PAK1: variants seen among roughly 807,000 people sequenced by gnomAD.
PAK1 encodes the protein serine/threonine-protein kinase PAK 1.
In PAK1, 29 loss-of-function variants were observed where a neutral mutation model predicts 67.4. The ratio of observed to expected loss-of-function variants is 0.43; its 90% CI spans 0.32 to 0.59. The LOEUF is 0.59. Among genes scored for constraint, PAK1 ranks in the 20% least tolerant of loss-of-function variants. The pLI, the probability that PAK1 is intolerant of heterozygous loss-of-function variation, is 0.07. For missense variants in PAK1, 337 were observed against 670.7 expected (o/e 0.50, Z 5.50); for synonymous variants, 223 against 237.4 (o/e 0.94, Z 0.56).
intron 14 of PAK1, among the ~76,000 whole-genome samples, chr11:77,324,051 A>G (rs1385621643): frequency 6.6e-6 from 1 of 152,204 alleles, no homozygotes; most frequent in Admixed American, 6.5e-5. Flanking sequence ...GTCCTTTCCC[A>G]AATCACTTTC....
chr11:77,470,661 C>A (rs1353506343), intron 1 of PAK1, among the ~76,000 whole-genome samples: 1 of 152,156 alleles, frequency 6.6e-6, no homozygotes, highest in African/African-American at 2.4e-5. Context: ...TGGAGTCAAA[C>A]AGGCCCTATA....
At chr11:77,491,182 TA>T in the PAK1 span, among the ~76,000 whole-genome samples, 985 of 137,868 alleles carry the variant, frequency 7.1e-3, 5 homozygotes, top group Admixed American at 0.012. Context: ...ATCCTATGTT[TA>T]AAAAAAAAAA....
chr11:77,476,698 T>C (rs1226327265), upstream of PAK1: 2 of 152,202 alleles, frequency 1.3e-5, no homozygotes, highest in African/African-American at 4.8e-5. Context: ...TAAATGTGTA[T>C]TGTTGGCCAG....
At chr11:77,362,050 C>G (rs1946862617) in intron 5 of PAK1, among the ~76,000 whole-genome samples, 1 of 152,116 alleles carries the variant, frequency 6.6e-6, no homozygotes, top group Non-Finnish European at 1.5e-5. Context: ...TTTAAGGTTA[C>G]TAACTTCAGA....
intron 1 of PAK1, among the ~76,000 whole-genome samples, chr11:77,448,840 T>C (rs1295628078): frequency 1.3e-5 from 2 of 152,244 alleles, no homozygotes; most frequent in South Asian, 2.1e-4. Flanking sequence ...TTTGAGAAAC[T>C]CTTGAAACTA....
At chr11:77,349,983 T>C (rs1282318724) in intron 8 of PAK1, among the ~76,000 whole-genome samples, 1 of 152,158 alleles carries the variant, frequency 6.6e-6, no homozygotes, top group Non-Finnish European at 1.5e-5. Flanking sequence ...TGAAAATTCA[T>C]TGAGTTGTAC....
chr11:77,517,216 G>A, the PAK1 span, among the ~76,000 whole-genome samples: 62 of 152,222 alleles, frequency 4.1e-4, no homozygotes, highest in African/African-American at 1.5e-3. Context: ...AAGCCTCAGA[G>A]CCAGCCACTT....
At chr11:77,445,254 G>T (rs1313084573) in intron 1 of PAK1, among the ~76,000 whole-genome samples, 1 of 152,166 alleles carries the variant, frequency 6.6e-6, no homozygotes. Context: ...CACCTCCAGA[G>T]GTGGACCTGC....
intron 13 of PAK1, 24 bp downstream of exon 13, chr11:77,336,062 T>C (rs762988616): frequency 6.7e-6 from 10 of 1,483,160 alleles, no homozygotes; most frequent in Non-Finnish European, 9.3e-6. Context: ...CCAAATAACT[T>C]GAAATAGAAC....
At chr11:77,414,305 T>C (rs1954830014) in intron 1 of PAK1, among the ~76,000 whole-genome samples, 1 of 152,204 alleles carries the variant, frequency 6.6e-6, no homozygotes, top group African/African-American at 2.4e-5. Context: ...GAACCACATC[T>C]TCAAGGAGGT....
intron 5 of PAK1, among the ~76,000 whole-genome samples, chr11:77,362,781 C>T (rs1415484367): frequency 6.6e-6 from 1 of 151,130 alleles, no homozygotes; most frequent in Non-Finnish European, 1.5e-5. Context: ...TATGTCTTAT[C>T]CAATAGTAGT....
chr11:77,498,794 A>G, the PAK1 span, among the ~76,000 whole-genome samples: 2 of 128,664 alleles, frequency 1.6e-5, no homozygotes, highest in African/African-American at 5.8e-5. Flanking sequence ...TCCGCCTCCC[A>G]TGTTCAAGCA....
chr11:77,456,246 T>C (rs1213835359), intron 1 of PAK1, among the ~76,000 whole-genome samples: 1 of 152,134 alleles, frequency 6.6e-6, no homozygotes, highest in Non-Finnish European at 1.5e-5. Flanking sequence ...CTCCCACTCT[T>C]GGAGCCTTAC....
chr11:77,325,240 T>C lies in PAK1; in HGVS notation c.1552-1880A>G. The C allele has an allele frequency of 2.0e-6, 3 of 1,523,258 alleles. No homozygotes were observed. The South Asian group carries it at 3.5e-5, about 18-fold the overall frequency. 94.4% of individuals were successfully genotyped at this position (1,523,258 alleles called of 1,614,324 possible). A position where few individuals can be genotyped will look rare whatever the true frequency, so the allele number is the denominator to read the frequency against. ...GATGAGCCCTAAGGGCTTCCAGTTG[T>C]GATACTCTTTGAGCCTATTAAGAGC... is the stretch of plus-strand genomic sequence containing the variant. On this transcript the variant is annotated intron_variant, in intron 14 of 14. Transcript: ENST00000356341.
chr11:77,332,822 G>C lies in PAK1; in HGVS notation c.1459C>G (p.Pro487Ala). ...CGGAAGATAGCTGACAGCTTCTCTG[G>C]GTTCTGAAGTTCTGGGGTCCCATTG... ...ATNGTPELQN[P>A]EKLSAIFRDF... The change falls in exon 14 of 15, where the codon CCA (proline) becomes GCA (alanine). Residue 487 changes from proline to alanine, a missense_variant. Physicochemically the swap from Pro to Ala is conservative, Grantham distance 27 (BLOSUM62 -1). Transcript: ENST00000356341. 1 of 1,613,458 alleles carries C rather than the reference G, an allele frequency of 6.2e-7. No homozygotes were observed. The highest frequency in any genetic ancestry group is 8.5e-7 in the Non-Finnish European group (1 of 1,179,430).
intron 1 of PAK1, among the ~76,000 whole-genome samples, chr11:77,472,812 A>G (rs1957928660): frequency 6.7e-6 from 1 of 149,926 alleles, no homozygotes; most frequent in African/African-American, 2.5e-5. Flanking sequence ...CAGTAGAACA[A>G]TTATCCAAGG....
the PAK1 span, among the ~76,000 whole-genome samples, chr11:77,485,675 A>ATGT: frequency 2.0e-5 from 3 of 152,122 alleles, no homozygotes; most frequent in African/African-American, 7.2e-5. Flanking sequence ...GGGTTTCACC[A>ATGT]TGTTGGTCAG....
At chr11:77,391,066 A>T (rs966506555) in intron 2 of PAK1, among the ~76,000 whole-genome samples, 1 of 152,098 alleles carries the variant, frequency 6.6e-6, no homozygotes, top group Non-Finnish European at 1.5e-5. Context: ...TATGTTCCCT[A>T]TTGGGCTAAT....
upstream of PAK1, among the ~76,000 whole-genome samples, chr11:77,477,733 C>T (rs956209439): frequency 2.0e-5 from 3 of 151,800 alleles, no homozygotes; most frequent in Admixed American, 6.6e-5. Flanking sequence ...TCAGTCTGGG[C>T]GACAGAGTGA....
Sources: allele counts gnomAD v4.1 joint callset (sites outside exome capture counted in the v4.1 genomes callset), GRCh38; gene constraint gnomAD v4.1.1; transcripts MANE v1.5; gene names NCBI Gene and HGNC (gene_info 2026-07-23, HGNC 2026-07-21).